PCDHGA10: variants seen among roughly 807,000 people sequenced by gnomAD.
PCDHGA10 encodes the protein protocadherin gamma subfamily A, 10, also known as protocadherin gamma-A10.
In PCDHGA10, 42 loss-of-function variants were observed where a neutral mutation model predicts 59.5. The observed-to-expected ratio is 0.71, with a 90% CI of 0.55 to 0.91. The LOEUF (loss-of-function observed/expected upper bound fraction) is 0.91. PCDHGA10 is among the 40% of genes least tolerant of loss of function. The pLI, the probability that PCDHGA10 is intolerant of heterozygous loss-of-function variation, is 0.00. For synonymous variants in PCDHGA10, 511 were observed against 517.2 expected (o/e 0.99, Z 0.16); for missense variants, 1,111 against 1,198.2 (o/e 0.93, Z 1.07).
At chr5:141,440,887 G>C (rs1423303973) in intron 1 of PCDHGA10, 4 of 152,206 alleles carry the variant, frequency 2.6e-5, no homozygotes, top group Non-Finnish European at 5.9e-5. Context: ...TCGGCCTTCA[G>C]GAAGATGTGC....
intron 1 of PCDHGA10, chr5:141,441,894 G>T: frequency 2.9e-6 from 1 of 347,862 alleles, no homozygotes; most frequent in Non-Finnish European, 5.6e-6. Context: ...CCAAGGTGGT[G>T]GCTGTAGACG....
chr5:141,449,943 C>G (rs1561937416), intron 1 of PCDHGA10, among the ~76,000 whole-genome samples: 1 of 151,186 alleles, frequency 6.6e-6, no homozygotes, highest in African/African-American at 2.4e-5. Flanking sequence ...GTATATTTTA[C>G]TATACCTCAT....
chr5:141,486,617 C>A lies in PCDHGA10; in HGVS notation c.2437-8190C>A. On this transcript the variant is annotated intron_variant, in intron 1 of 3. Coordinates refer to ENST00000398610, the MANE Select transcript of PCDHGA10 (RefSeq NM_018913.3). The surrounding 1 kb of genome is among the most constrained non-coding windows in gnomAD (Gnocchi z 5.0). The stretch of plus-strand genomic sequence containing the variant: ...GCTTTGCTCCCTTGCAGCCTCTGAC[C>A]CAGACTCTGGCTTGAATGCGCTTAT... The A allele has an allele frequency of 1.2e-6, 2 of 1,613,602 alleles. No homozygotes were observed. The highest frequency in any genetic ancestry group is 2.2e-5 in the East Asian group (1 of 44,874).
At chr5:141,427,845 G>C in intron 1 of PCDHGA10, 1 of 1,550,582 alleles carries the variant, frequency 6.4e-7, no homozygotes, top group Non-Finnish European at 8.8e-7. Context: ...CTTCGACCAC[G>C]AGCAGCTGTG....
At chr5:141,500,145 T>C (rs2099796736) in intron 2 of PCDHGA10, among the ~76,000 whole-genome samples, 2 of 151,992 alleles carry the variant, frequency 1.3e-5, no homozygotes, top group East Asian at 3.9e-4. Context: ...TAAACTTTTC[T>C]TTGTGTAATC....
intron 1 of PCDHGA10, chr5:141,441,387 G>A (rs2098243952): frequency 6.5e-6 from 1 of 153,712 alleles, no homozygotes; most frequent in Non-Finnish European, 1.5e-5. Flanking sequence ...CAGACCCAAG[G>A]TATAACATCA....
chr5:141,414,940 G>C lies in PCDHGA10; in HGVS notation c.1765G>C (p.Gly589Arg). The change falls in exon 1 of 4, where the codon GGC becomes CGC. Residue 589 changes from glycine to arginine, a missense_variant. Transcript: ENST00000398610. Reference protein sequence around the residue: ...VELAPRSAEPGYLVTKVVAVD... With the variant: ...VELAPRSAEPRYLVTKVVAVD... Reference sequence around the variant, plus strand: ...GCTGGCGCCCCGCTCCGCAGAGCCCGGCTACCTGGTGACCAAGGTGGTGGC... The same window carrying C: ...GCTGGCGCCCCGCTCCGCAGAGCCCCGCTACCTGGTGACCAAGGTGGTGGC... 7.4e-6 allele frequency: 12 copies of C among 1,614,104 alleles called. No individual in the cohort carries two copies. The highest frequency in any genetic ancestry group is 9.3e-6 in the Non-Finnish European group (11 of 1,180,046).
chr5:141,470,297 T>A (rs2099227289), intron 1 of PCDHGA10, among the ~76,000 whole-genome samples: 2 of 152,348 alleles, frequency 1.3e-5, no homozygotes, highest in Admixed American at 1.3e-4. Flanking sequence ...TAACTGTTTT[T>A]ATTCCATTTT....
At chr5:141,471,046 CTT>C (rs1170588345) in intron 1 of PCDHGA10, among the ~76,000 whole-genome samples, 2,578 of 113,210 alleles carry the variant, frequency 0.023, 53 homozygotes, top group East Asian at 0.11. Context: ...CCCAAGCCCT[CTT>C]TTTTTTTTTT....
intron 1 of PCDHGA10, among the ~76,000 whole-genome samples, chr5:141,429,774 G>A (rs1175985162): frequency 6.6e-6 from 1 of 152,070 alleles, no homozygotes; most frequent in Non-Finnish European, 1.5e-5. Context: ...ATTTTGATGG[G>A]CTTCCAAAAG....
Position 141,487,622 on chromosome 5 carries a change from C to A in PCDHGA10, c.2437-7185C>A. 1 of 1,614,174 alleles carries A rather than the reference C, an allele frequency of 6.2e-7. No homozygotes were observed. Among genetic ancestry groups the A allele is most frequent in the Non-Finnish European group, 8.5e-7 (1 of 1,180,030 alleles). ...TCTTCTCTATGGGCTAGAGGTGAGACCTTTGCAGGCTCAACAAATGCTTGA... is the reference window on the plus strand; with the variant it reads ...TCTTCTCTATGGGCTAGAGGTGAGAACTTTGCAGGCTCAACAAATGCTTGA... On this transcript the variant is annotated intron_variant, in intron 1 of 3. Transcript: ENST00000398610. The surrounding 1 kb of genome is among the most constrained non-coding windows in gnomAD (Gnocchi z 5.0).
chr5:141,503,598 CAAA>C (rs765754054), intron 2 of PCDHGA10, among the ~76,000 whole-genome samples: 9 of 65,742 alleles, frequency 1.4e-4, no homozygotes, highest in Admixed American at 3.4e-4. Context: ...GACTCCAGCT[CAAA>C]AAAAAAAAAA....
chr5:141,427,265 C>G (rs767369457), intron 1 of PCDHGA10: 1 of 456,688 alleles, frequency 2.2e-6, no homozygotes, highest in Non-Finnish European at 4.4e-6. Context: ...GCATGACCAG[C>G]GAATGTAAAA....
rs141605264 is a variant in PCDHGA10, at chr5:141,479,755, A to C, written c.2437-15052A>C. The C allele has an allele frequency of 2.6e-3, 390 of 152,364 alleles. 2 individuals are homozygous for C. The highest frequency in any genetic ancestry group is 9.1e-3 in the African/African-American group (378 of 41,580). 9.4% of individuals were successfully genotyped at this position (152,364 alleles called of 1,614,324 possible). On this transcript the variant is annotated intron_variant, in intron 1 of 3. Coordinates refer to ENST00000398610, the MANE Select transcript of PCDHGA10 (RefSeq NM_018913.3). ...AGTATATGCACAATGTGAAAGGTAG[A>C]TAAATTCATATCCTTAGACAGGTAA...
rs778198822 is a variant in PCDHGA10, at chr5:141,432,802, A to C, written c.2436+17191A>C. 6.2e-7 allele frequency: 1 copy of C among 1,614,082 alleles called. No homozygotes were observed. The highest frequency in any genetic ancestry group is 1.1e-5 in the South Asian group (1 of 91,076). The stretch of plus-strand genomic sequence containing the variant: ...CGGACCTCGGCAGCCTCGAGTCTCC[A>C]GCTAACTCTGAAACCTCAGACCTCA... On this transcript the variant is annotated intron_variant, in intron 1 of 3. Transcript: ENST00000398610. This position sits in a 1 kb window ranked among gnomAD's most constrained non-coding sequence, Gnocchi z 6.0.
In PCDHGA10 at chr5:141,431,028, T is replaced by C. The variant is rs367575636; in HGVS notation, c.2436+15417T>C. On this transcript the variant is annotated intron_variant, in intron 1 of 3. Transcript: ENST00000398610. This position sits in a 1 kb window ranked among gnomAD's most constrained non-coding sequence, Gnocchi z 4.8. ...GGCAGCTTGGTCACGGCGGGCAGGA[T>C]AGACCGGGAGGAGCTCTGTATGGGG... The C allele has an allele frequency of 6.2e-7, 1 of 1,613,986 alleles. No homozygotes were observed. Among genetic ancestry groups the C allele is most frequent in the Admixed American group, 1.7e-5 (1 of 60,022 alleles).
At chr5:141,421,474 G>T (rs1320526226) in intron 1 of PCDHGA10, 3 of 1,614,014 alleles carry the variant, frequency 1.9e-6, no homozygotes, top group African/African-American at 2.7e-5. Flanking sequence ...TCCGCGAAGC[G>T]GCAGCTTGAT....
intron 1 of PCDHGA10, chr5:141,440,759 C>T (rs1160288117): frequency 1.3e-5 from 2 of 152,158 alleles, no homozygotes; most frequent in Admixed American, 6.6e-5. Flanking sequence ...AAGCAGAGCT[C>T]CCATCCCTTA....
intron 1 of PCDHGA10, chr5:141,419,261 G>A (rs758952830): frequency 1.3e-5 from 21 of 1,613,864 alleles, no homozygotes; most frequent in Non-Finnish European, 1.7e-5. Context: ...CAACCAGCCG[G>A]GTGCCTCCAT....
Sources: allele counts gnomAD v4.1 joint callset (sites outside exome capture counted in the v4.1 genomes callset), GRCh38; gene constraint gnomAD v4.1.1; non-coding constraint Gnocchi (gnomAD v3.1); transcripts MANE v1.5; gene names NCBI Gene and HGNC (gene_info 2026-07-23, HGNC 2026-07-21).